NFATC2: variants seen among roughly 807,000 people sequenced by gnomAD.
The protein encoded by NFATC2 is nuclear factor of activated T cells 2, also known as nuclear factor of activated T-cells, cytoplasmic 2.
A neutral mutation model predicts 87.3 loss-of-function variants in NFATC2; 22 were observed. That is an observed-to-expected ratio of 0.25 (90% confidence interval 0.18 to 0.36). The LOEUF is 0.36. NFATC2 is among the 10% of genes least tolerant of loss of function. NFATC2 has a pLI of 1.00. For missense variants in NFATC2, 1,149 were observed against 1,259.1 expected (o/e 0.91, Z 1.32); for synonymous variants, 565 against 542.2 (o/e 1.04, Z -0.58).
At chr20:51,394,317 G>A (rs557638676) in intron 10 of NFATC2, among the ~76,000 whole-genome samples, 1 of 152,196 alleles carries the variant, frequency 6.6e-6, no homozygotes, top group East Asian at 1.9e-4. Context: ...TTGCAGACTC[G>A]AGTACCAGGG....
intron 9 of NFATC2, among the ~76,000 whole-genome samples, chr20:51,399,991 C>T (rs1045507338): frequency 1.3e-5 from 2 of 152,122 alleles, no homozygotes; most frequent in African/African-American, 4.8e-5. Context: ...CCCCTCCTCC[C>T]CGTGTCTCAC....
intron 5 of NFATC2, among the ~76,000 whole-genome samples, chr20:51,455,812 GT>G (rs1986391180): frequency 1.8e-4 from 2 of 11,176 alleles, no homozygotes; most frequent in East Asian, 2.0e-3. Flanking sequence ...GGGTGGGTGG[GT>G]GGGTGGATGG....
intron 9 of NFATC2, among the ~76,000 whole-genome samples, chr20:51,410,336 G>GA (rs1263540027): frequency 6.6e-6 from 1 of 151,530 alleles, no homozygotes; most frequent in Non-Finnish European, 1.5e-5. Context: ...GGGGAAAACT[G>GA]TTTTTTTAAA....
At position 51,523,059 on chromosome 20, in the gene NFATC2, T is replaced by C; in HGVS notation, c.1160+22A>G. ...TCTTAAAACTAAACCACAGAATCAA[T>C]CATTTTCAAAGCCCTGCTCACCTGC... On this transcript the variant is annotated intron_variant, in intron 2 of 10. Coordinates refer to ENST00000371564, the MANE Select transcript of NFATC2 (RefSeq NM_012340.5). This position sits in a 1 kb window ranked among gnomAD's most constrained non-coding sequence, Gnocchi z 6.9. 2 of 1,613,548 alleles carry C rather than the reference T, an allele frequency of 1.2e-6. No individual in the cohort carries two copies. Among genetic ancestry groups the C allele is most frequent in the East Asian group, 4.5e-5 (2 of 44,882 alleles).
intron 9 of NFATC2, among the ~76,000 whole-genome samples, chr20:51,411,550 CAG>C (rs1258554684): frequency 2.0e-5 from 2 of 99,984 alleles, no homozygotes; most frequent in Non-Finnish European, 3.6e-5. Flanking sequence ...TTTTTTGAGA[CAG>C]AGTCTTGCTC....
At chr20:51,445,392 G>T (rs1984929414) in intron 6 of NFATC2, among the ~76,000 whole-genome samples, 1 of 152,188 alleles carries the variant, frequency 6.6e-6, no homozygotes, top group South Asian at 2.1e-4. Flanking sequence ...TCTGCTGAAA[G>T]CCATCTCCTC....
chr20:51,454,516 G>A (rs34932483), intron 6 of NFATC2, 32 bp downstream of exon 6: 1 of 1,612,042 alleles, frequency 6.2e-7, no homozygotes, highest in Non-Finnish European at 8.5e-7. Flanking sequence ...ATGATTCTGG[G>A]GGACAGAGAA....
In NFATC2 at chr20:51,542,447, T is replaced by G; in HGVS notation, c.53A>C (p.His18Pro). ...PQPDGGDAPG[H>P]EPGGSPQDEL... ...GTCTTGGGGGCTGCCCCCAGGCTCG[T>G]GGCCTGGGGCGTCCCCGCCGTCGGG... Residue 18 changes from histidine to proline, a missense_variant, in exon 1 of 11, where the codon CAC becomes CCC. This residue lies in a region of NFATC2 where 563 missense variants were observed against 585.2 expected (regional missense o/e 0.96). Coordinates refer to ENST00000371564, the MANE Select transcript of NFATC2 (RefSeq NM_012340.5). The G allele has an allele frequency of 6.3e-7, 1 of 1,579,410 alleles. No individual in the cohort carries two copies. The highest frequency in any genetic ancestry group is 8.6e-7 in the Non-Finnish European group (1 of 1,165,936).
At chr20:51,555,003 C>A (rs1157032173) in intron 1 of NFATC2, among the ~76,000 whole-genome samples, 1 of 152,134 alleles carries the variant, frequency 6.6e-6, no homozygotes, top group African/African-American at 2.4e-5. Context: ...AACCCTGGGG[C>A]TCGAGGGAAC....
rs1004857223 is a variant in NFATC2 at position 51,387,731 on chromosome 20, C to T, written c.*3765G>A. 6 of 152,156 alleles carry T rather than the reference C, an allele frequency of 3.9e-5. No individual in the cohort carries two copies. Among genetic ancestry groups the T allele is most frequent in the Admixed American group, 3.3e-4 (5 of 15,270 alleles). 9.4% of individuals were successfully genotyped at this position (152,156 alleles called of 1,614,324 possible). ...CGCTGGGTCACCGAGCACCTTGCCTCCGGGAAACAAGTTCGGGAAAGGTTA... is the reference window on the plus strand; with the variant it reads ...CGCTGGGTCACCGAGCACCTTGCCTTCGGGAAACAAGTTCGGGAAAGGTTA... On this transcript the variant is annotated 3_prime_UTR_variant, in exon 11 of 11. Coordinates refer to ENST00000371564, the MANE Select transcript of NFATC2 (RefSeq NM_012340.5).
At position 51,498,362 on chromosome 20, in the gene NFATC2, C is replaced by T. The variant is rs530196944; in HGVS notation, c.1332+18422G>A. ...TGAAGTACCTACTATGTGACAGGCA[C>T]TGTGCTTGGGACTGGGGATGAAGCA... is the stretch of plus-strand genomic sequence containing the variant. On this transcript the variant is annotated intron_variant, in intron 3 of 10. Transcript: ENST00000371564. 7.2e-5 allele frequency among the ~76,000 whole-genome samples: 11 copies of T among 152,242 alleles called. No individual in the cohort carries two copies. In the East Asian group the frequency reaches 2.1e-3, roughly 29 times the overall value.
chr20:51,481,613 G>A (rs62229786), intron 3 of NFATC2, among the ~76,000 whole-genome samples: 7,320 of 152,106 alleles, frequency 0.048, 221 homozygotes, highest in African/African-American at 0.078. Context: ...TGTCTGTGGC[G>A]TCTGCGGGGG....
chr20:51,398,237 T>C (rs919602564), intron 10 of NFATC2, among the ~76,000 whole-genome samples: 1 of 151,984 alleles, frequency 6.6e-6, no homozygotes, highest in Non-Finnish European at 1.5e-5. Context: ...CTTAGGTAGG[T>C]TTTCGGACCT....
At chr20:51,514,166 T>C (rs2146681933) in intron 3 of NFATC2, among the ~76,000 whole-genome samples, 1 of 152,320 alleles carries the variant, frequency 6.6e-6, no homozygotes, top group South Asian at 2.1e-4. Context: ...TGTAAGCTCA[T>C]GATGGTGAGA....
At chr20:51,533,150 C>A (rs1226922585) in intron 1 of NFATC2, among the ~76,000 whole-genome samples, 1 of 152,264 alleles carries the variant, frequency 6.6e-6, no homozygotes, top group Admixed American at 6.5e-5. Flanking sequence ...AACCTCGCCT[C>A]CTGCCACTCG....
chr20:51,553,811 A>G (rs1406326901), intron 1 of NFATC2, among the ~76,000 whole-genome samples: 1 of 150,416 alleles, frequency 6.6e-6, no homozygotes, highest in African/African-American at 2.4e-5. Flanking sequence ...CCAAGGTAGA[A>G]CCTCAAGGGG....
chr20:51,402,411 G>C (rs985753066), intron 9 of NFATC2, among the ~76,000 whole-genome samples: 1 of 151,778 alleles, frequency 6.6e-6, no homozygotes, highest in Admixed American at 6.6e-5. Flanking sequence ...TCACCACCTC[G>C]GCCCCAACCC....
rs772516112 is a variant in NFATC2 at position 51,475,533 on chromosome 20, G to A, written c.1460C>T (p.Thr487Ile). The A allele has an allele frequency of 1.2e-6, 2 of 1,613,974 alleles. No homozygotes were observed. The highest frequency in any genetic ancestry group is 2.7e-5 in the African/African-American group (2 of 74,864). ...HRITGKTVTTTSYEKIVGNTK... is the reference protein window; with the variant it reads ...HRITGKTVTTISYEKIVGNTK... ...GTTGCCCACTATCTTCTCATAGCTGGTGGTGGTGACAGTTTTCCCCGTGAT... is the reference window on the plus strand; with the variant it reads ...GTTGCCCACTATCTTCTCATAGCTGATGGTGGTGACAGTTTTCCCCGTGAT... Residue 487 changes from threonine to isoleucine, a missense_variant, in exon 4 of 11, where the codon ACC (threonine) becomes ATC (isoleucine). Transcript: ENST00000371564.
At chr20:51,489,625 C>A (rs1222196182) in intron 3 of NFATC2, among the ~76,000 whole-genome samples, 1 of 152,202 alleles carries the variant, frequency 6.6e-6, no homozygotes, top group African/African-American at 2.4e-5. Context: ...TCTGGTTAAA[C>A]AAACTCAAGG....
Sources: gnomAD v4.1 joint callset for allele counts (sites outside exome capture counted in the v4.1 genomes callset) on GRCh38, gnomAD v4.1.1 for gene constraint, gnomAD v4.1.1 regional missense constraint, Gnocchi (gnomAD v3.1) non-coding constraint, MANE v1.5 for transcripts, NCBI Gene and HGNC (gene_info 2026-07-23, HGNC 2026-07-21) for gene names.